Variants in CDKL4 observed in about 807,000 individuals in gnomAD.
CDKL4 encodes cyclin-dependent kinase-like 4.
A neutral mutation model predicts 42.0 loss-of-function variants in CDKL4; 44 were observed. That is an observed-to-expected ratio of 1.05 (90% CI 0.82 to 1.35). CDKL4 has a LOEUF of 1.35. Ranked by LOEUF, CDKL4 falls within the 40% of genes most tolerant of loss-of-function variation. CDKL4 has a pLI of 0.00. For synonymous variants in CDKL4, 120 were observed against 121.6 expected, an observed-to-expected ratio of 0.99 and a Z score of 0.09; for missense variants, 393 against 369.9, an observed-to-expected ratio of 1.06 and a Z score of -0.51.
exon 5 of CDKL4, chr2:39,204,543 C>A: frequency 6.2e-7 from 1 of 1,608,426 alleles, no homozygotes; most frequent in South Asian, 1.1e-5. Context: ...TTTGTGCAAA[C>A]CCGAAGTCAC....
chr2:39,222,254 G>A (rs1438647474), intron 3 of CDKL4, among the ~76,000 whole-genome samples: 1 of 152,152 alleles, frequency 6.6e-6, no homozygotes, highest in South Asian at 2.1e-4. Context: ...CCAGATGAAG[G>A]AAACTTAGAG....
In CDKL4 at chr2:39,243,322, A is replaced by C. The variant is rs149444991; in HGVS notation, c.-57+549T>G. Among the ~76,000 whole-genome samples, 710 of 152,290 alleles carry C rather than the reference A, an allele frequency of 4.7e-3. 3 individuals are homozygous for C. The highest frequency in any genetic ancestry group is 0.01 in the Admixed American group (153 of 15,296). On this transcript the variant is annotated intron_variant, in intron 1 of 9. Coordinates refer to ENST00000451199, the Ensembl canonical transcript of CDKL4. ...TGGGCCATTAAATCATTGTTTTATC[A>C]ACATAACAGTGAATTATTGAATTTC...
chr2:39,181,537 G>A (rs996680271), intron 8 of CDKL4, among the ~76,000 whole-genome samples: 4 of 151,670 alleles, frequency 2.6e-5, no homozygotes, highest in African/African-American at 9.8e-5. Flanking sequence ...TTGTATCGCC[G>A]CAAAAATATG....
At chr2:39,168,765 T>C in the CDKL4 span, among the ~76,000 whole-genome samples, 3 of 150,508 alleles carry the variant, frequency 2.0e-5, no homozygotes, top group Non-Finnish European at 4.4e-5. Context: ...TTTTTGTTTG[T>C]TTGTTTTTTT....
At chr2:39,244,854 C>G (rs1237274552), upstream of CDKL4, among the ~76,000 whole-genome samples, 1 of 152,134 alleles carries the variant, frequency 6.6e-6, no homozygotes, top group Non-Finnish European at 1.5e-5. Context: ...CACCCTGTGT[C>G]TAGCTCAGGG....
At chr2:39,197,673 G>A (rs1356247580) in intron 5 of CDKL4, among the ~76,000 whole-genome samples, 1 of 152,172 alleles carries the variant, frequency 6.6e-6, no homozygotes, top group Non-Finnish European at 1.5e-5. Context: ...AGGGGATTGA[G>A]GTCCTATCTT....
chr2:39,196,398 G>T (rs942792771), intron 5 of CDKL4, among the ~76,000 whole-genome samples: 1 of 152,108 alleles, frequency 6.6e-6, no homozygotes, highest in East Asian at 1.9e-4. Context: ...TTCTCTGGGT[G>T]GCTAGATCCA....
rs556693807 is a variant in CDKL4, at chr2:39,233,402, G to C, written c.-56-3814C>G. Among the ~76,000 whole-genome samples the C allele has an allele frequency of 2.0e-5, 3 of 152,304 alleles. No individual in the cohort carries two copies. In the East Asian group the frequency reaches 5.8e-4, roughly 29 times the overall value. On this transcript the variant is annotated intron_variant, in intron 1 of 9. Coordinates refer to ENST00000451199, the Ensembl canonical transcript of CDKL4. ...ATAAAAGGACAAGAGGGAAGGGAAA[G>C]ACATCTGTTGGAGACTGGACAGTGA...
At chr2:39,185,241 C>CATAT (rs1336587468) in intron 7 of CDKL4, among the ~76,000 whole-genome samples, 1 of 7,694 alleles carries the variant, frequency 1.3e-4, no homozygotes, top group African/African-American at 5.2e-4. Context: ...CGTATATATA[C>CATAT]ATATATACAC....
chr2:39,175,522 G>C (rs1385378769), downstream of CDKL4: 1 of 153,240 alleles, frequency 6.5e-6, no homozygotes, highest in East Asian at 1.9e-4. Flanking sequence ...TAAAAACACA[G>C]AATAAGATAC....
intron 1 of CDKL4, 145 bp from the exon 2 acceptor site, chr2:39,229,733 G>A (rs886502393): frequency 1.3e-5 from 6 of 446,622 alleles, no homozygotes; most frequent in Non-Finnish European, 2.3e-5. Context: ...ATATTATTTT[G>A]TTAGTTTAGT....
intron 7 of CDKL4, among the ~76,000 whole-genome samples, chr2:39,185,972 A>G (rs1257677081): frequency 6.6e-6 from 1 of 152,166 alleles, no homozygotes; most frequent in Non-Finnish European, 1.5e-5. Context: ...TTGAGTATTC[A>G]TGAAAATACA....
intron 3 of CDKL4, among the ~76,000 whole-genome samples, chr2:39,217,472 A>G (rs1055041674): frequency 6.6e-6 from 1 of 152,200 alleles, no homozygotes; most frequent in Non-Finnish European, 1.5e-5. Flanking sequence ...ATAAAAACGT[A>G]ATAGGGGAAG....
At chr2:39,196,081 A>C (rs1298679145) in intron 5 of CDKL4, among the ~76,000 whole-genome samples, 2 of 152,178 alleles carry the variant, frequency 1.3e-5, no homozygotes, top group Non-Finnish European at 2.9e-5. Context: ...TGGGAGCTCT[A>C]TGGCCCCACC....
intron 1 of CDKL4, among the ~76,000 whole-genome samples, chr2:39,241,700 T>C (rs979037270): frequency 2.0e-5 from 3 of 152,194 alleles, no homozygotes; most frequent in African/African-American, 7.2e-5. Flanking sequence ...TCAAGTCAAA[T>C]GTCTTTCTGC....
chr2:39,207,737 A>G (rs1572985497), intron 4 of CDKL4, among the ~76,000 whole-genome samples: 1 of 152,342 alleles, frequency 6.6e-6, no homozygotes, highest in South Asian at 2.1e-4. Context: ...AATTTATTTT[A>G]TAGGAGCAGG....
chr2:39,190,244 T>A (rs73930539), intron 6 of CDKL4, 61 bp downstream of exon 6: 4 of 1,089,804 alleles, frequency 3.7e-6, no homozygotes, highest in Non-Finnish European at 5.3e-6. Context: ...TTTTTTATTA[T>A]AGTAACATAT....
Position 39,213,391 on chromosome 2 carries a change from G to A in CDKL4, c.363+9C>T. 1 of 1,514,314 alleles carries A rather than the reference G, an allele frequency of 6.6e-7. No homozygotes were observed. The highest frequency in any genetic ancestry group is 9.1e-7 in the Non-Finnish European group (1 of 1,093,790). 93.8% of individuals were successfully genotyped at this position (1,514,314 alleles called of 1,614,324 possible). A position where few individuals can be genotyped will look rare whatever the true frequency, so the allele number is the denominator to read the frequency against. On this transcript the variant is annotated intron_variant, in intron 4 of 9. Coordinates refer to ENST00000451199, the Ensembl canonical transcript of CDKL4. ...GAAATGAATAAATACATTAGAAAAT[G>A]TTACTTACGTTATGTATATGACAGA...
intron 5 of CDKL4, among the ~76,000 whole-genome samples, chr2:39,197,793 G>A (rs1025202468): frequency 2.0e-5 from 3 of 151,664 alleles, no homozygotes; most frequent in Non-Finnish European, 4.4e-5. Flanking sequence ...AATGCTGAGA[G>A]AATTTGCCAA....
Sources: gnomAD v4.1 joint callset for allele counts (sites outside exome capture counted in the v4.1 genomes callset) on GRCh38, gnomAD v4.1.1 for gene constraint, MANE v1.5 for transcripts, NCBI Gene and HGNC (gene_info 2026-07-23, HGNC 2026-07-21) for gene names.